UBE2E2: variants seen among roughly 807,000 people sequenced by gnomAD.
The protein encoded by UBE2E2 is ubiquitin-conjugating enzyme E2 E2.
A neutral mutation model predicts 24.7 loss-of-function variants in UBE2E2; 6 were observed. The observed-to-expected ratio is 0.24, with a 90% CI of 0.13 to 0.48. The LOEUF (loss-of-function observed/expected upper bound fraction) is 0.48. UBE2E2 is among the 20% of genes least tolerant of loss of function. UBE2E2 has a pLI of 0.99. For missense variants in UBE2E2, 169 were observed against 245.0 expected (o/e 0.69, Z 2.07); for synonymous variants, 104 against 83.6 (o/e 1.24, Z -1.33).
intron 3 of UBE2E2, among the ~76,000 whole-genome samples, chr3:23,416,460 G>A (rs922537631): frequency 5.3e-5 from 8 of 152,022 alleles, no homozygotes; most frequent in Non-Finnish European, 8.8e-5. Context: ...GTAACCTGAC[G>A]TTTCTCTCTG....
At chr3:23,236,484 T>C (rs1408997814) in intron 3 of UBE2E2, among the ~76,000 whole-genome samples, 5 of 123,334 alleles carry the variant, frequency 4.1e-5, no homozygotes, top group Non-Finnish European at 8.5e-5. Context: ...TCTTAGGTCC[T>C]TTTTTTTTTT....
chr3:23,469,118 G>A (rs1456335672), intron 3 of UBE2E2, among the ~76,000 whole-genome samples: 8 of 152,142 alleles, frequency 5.3e-5, no homozygotes, highest in African/African-American at 1.9e-4. Flanking sequence ...TCAGGGAACT[G>A]GCATGGTTGG....
intron 5 of UBE2E2, among the ~76,000 whole-genome samples, chr3:23,579,192 A>T (rs942445672): frequency 2.6e-5 from 4 of 152,044 alleles, no homozygotes; most frequent in Non-Finnish European, 4.4e-5. Context: ...GGAGATCGAG[A>T]CCTTCCTGGC....
chr3:23,524,881 C>CACACACAG (rs1694958107), intron 4 of UBE2E2, among the ~76,000 whole-genome samples: 1 of 151,972 alleles, frequency 6.6e-6, no homozygotes. Context: ...CACACACACA[C>CACACACAG]ACACACACAC....
intron 5 of UBE2E2, among the ~76,000 whole-genome samples, chr3:23,569,540 G>A (rs1696173923): frequency 6.6e-6 from 1 of 152,126 alleles, no homozygotes; most frequent in Non-Finnish European, 1.5e-5. Context: ...TGGCATCTTG[G>A]CCTGTTTCCT....
At chr3:23,441,400 A>C (rs949998416) in intron 3 of UBE2E2, among the ~76,000 whole-genome samples, 1 of 149,134 alleles carries the variant, frequency 6.7e-6, no homozygotes, top group African/African-American at 2.5e-5. Flanking sequence ...TTAGCTGGGC[A>C]TGGTGGCGGG....
In UBE2E2 at chr3:23,389,391, G is replaced by A. The variant is rs143767446; in HGVS notation, c.228-110217G>A. ...AGTCAGAGCTCTAGGGCTTTATTAC[G>A]AATGGAGTTGACTGCTAGAGAGGCC... is the stretch of plus-strand genomic sequence containing the variant. On this transcript the variant is annotated intron_variant, in intron 3 of 5. Coordinates refer to ENST00000396703, the MANE Select transcript of UBE2E2 (RefSeq NM_152653.4). Among the ~76,000 whole-genome samples, 260 of 152,246 alleles carry A rather than the reference G, an allele frequency of 1.7e-3. 1 individual carries two copies. Among genetic ancestry groups the A allele is most frequent in the African/African-American group, 6.0e-3 (250 of 41,532 alleles).
At chr3:23,591,890 C>G (rs1238814235), downstream of UBE2E2, 3 of 152,200 alleles carry the variant, frequency 2.0e-5, no homozygotes, top group African/African-American at 7.2e-5. Flanking sequence ...GCACTAAAGG[C>G]ATTGAACCAT....
chr3:23,275,003 T>C (rs143353453), intron 3 of UBE2E2, among the ~76,000 whole-genome samples: 55 of 152,278 alleles, frequency 3.6e-4, no homozygotes, highest in Non-Finnish European at 7.1e-4. Flanking sequence ...AAAATAACTT[T>C]TTGAGGAAGT....
chr3:23,420,369 G>A (rs1046815916), intron 3 of UBE2E2, among the ~76,000 whole-genome samples: 1 of 152,158 alleles, frequency 6.6e-6, no homozygotes, highest in Admixed American at 6.5e-5. Flanking sequence ...AAGTCTAAAA[G>A]AAGTTCCCTT....
chr3:23,533,568 A>G (rs1270057119), intron 5 of UBE2E2, among the ~76,000 whole-genome samples: 1 of 148,806 alleles, frequency 6.7e-6, no homozygotes, highest in Non-Finnish European at 1.5e-5. Flanking sequence ...TTCTACTTTT[A>G]TATTTCTTTA....
At chr3:23,402,142 C>T (rs1697241683) in intron 3 of UBE2E2, among the ~76,000 whole-genome samples, 1 of 152,146 alleles carries the variant, frequency 6.6e-6, no homozygotes, top group South Asian at 2.1e-4. Context: ...GCGTGAGCCA[C>T]CGCGCCCGAC....
At chr3:23,416,055 C>G (rs1466957844) in intron 3 of UBE2E2, among the ~76,000 whole-genome samples, 1 of 152,198 alleles carries the variant, frequency 6.6e-6, no homozygotes, top group African/African-American at 2.4e-5. Context: ...TCATCCATGT[C>G]CCTACAAAGG....
chr3:23,468,439 T>C (rs979752074), intron 3 of UBE2E2, among the ~76,000 whole-genome samples: 7 of 152,180 alleles, frequency 4.6e-5, no homozygotes, highest in African/African-American at 1.7e-4. Context: ...ATCAGATGCA[T>C]TGAAAAAATG....
intron 3 of UBE2E2, among the ~76,000 whole-genome samples, chr3:23,267,615 C>T (rs1171883288): frequency 6.6e-6 from 1 of 151,932 alleles, no homozygotes; most frequent in Admixed American, 6.6e-5. Context: ...CAGCCGAATT[C>T]TACCAGAGGT....
At chr3:23,379,805 G>A (rs2125349005) in intron 3 of UBE2E2, among the ~76,000 whole-genome samples, 1 of 152,218 alleles carries the variant, frequency 6.6e-6, no homozygotes, top group Middle Eastern at 3.4e-3. Context: ...AAGTAGGGCA[G>A]GTAAGCTCTA....
intron 4 of UBE2E2, among the ~76,000 whole-genome samples, chr3:23,514,370 A>G (rs927750008): frequency 1.3e-5 from 2 of 152,222 alleles, no homozygotes; most frequent in Admixed American, 6.5e-5. Context: ...GATGAAGCAA[A>G]TGAATATTCA....
At chr3:23,568,779 C>A (rs964742807) in intron 5 of UBE2E2, among the ~76,000 whole-genome samples, 3 of 146,218 alleles carry the variant, frequency 2.1e-5, no homozygotes, top group African/African-American at 7.9e-5. Context: ...TACCTGGATA[C>A]CTGGTGGGTA....
intron 3 of UBE2E2, among the ~76,000 whole-genome samples, chr3:23,489,165 C>T (rs779807734): frequency 1.8e-4 from 27 of 152,138 alleles, no homozygotes; most frequent in Non-Finnish European, 2.6e-4. Flanking sequence ...TTTCAACAGA[C>T]GGCATGGGTC....
Sources: allele counts gnomAD v4.1 joint callset (sites outside exome capture counted in the v4.1 genomes callset), GRCh38; gene constraint gnomAD v4.1.1; transcripts MANE v1.5; gene names NCBI Gene and HGNC (gene_info 2026-07-23, HGNC 2026-07-21).